Variants in FAM53A observed in about 807,000 individuals in gnomAD.
FAM53A encodes family with sequence similarity 53 member A.
A neutral mutation model predicts 26.6 loss-of-function variants in FAM53A; 28 were observed. The observed-to-expected ratio is 1.05, with a 90% CI of 0.78 to 1.45. FAM53A has a LOEUF of 1.45. Ranked by LOEUF, FAM53A falls within the 40% of genes most tolerant of loss-of-function variation. FAM53A has a pLI of 0.00. For synonymous variants in FAM53A, 290 were observed against 253.1 expected (o/e 1.15, Z -1.38); for missense variants, 650 against 575.8 (o/e 1.13, Z -1.32).
chr4:1,624,775 T>C (rs1156492206), intron 1 of FAM53A, among the ~76,000 whole-genome samples: 1 of 152,164 alleles, frequency 6.6e-6, no homozygotes, highest in Non-Finnish European at 1.5e-5. Flanking sequence ...TCCCCTGACA[T>C]GCGGGCACAC....
rs141443051 is a variant in FAM53A at position 1,626,567 on chromosome 4, G to A, written c.432-8456C>T. ...ATGCCCTGAGCCCGGGGGGACCCGGGGAGGACCTGGGACAGTGTAGACTCT... is the reference window on the plus strand; with the variant it reads ...ATGCCCTGAGCCCGGGGGGACCCGGAGAGGACCTGGGACAGTGTAGACTCT... On this transcript the variant is annotated intron_variant, in intron 1 of 1. Transcript: ENST00000489029. Among the ~76,000 whole-genome samples, 545 of 149,392 alleles carry A rather than the reference G, an allele frequency of 3.6e-3. 6 individuals are homozygous for A. The highest frequency in any genetic ancestry group is 0.013 in the African/African-American group (516 of 40,428).
chr4:1,655,848 C>T (rs1713333392), intron 3 of FAM53A, 125 bp from the exon 4 acceptor site: 6 of 1,188,568 alleles, frequency 5.0e-6, no homozygotes, highest in African/African-American at 1.6e-5. Context: ...CACCCCTGGG[C>T]GTGCTTCTCC....
At chr4:1,674,873 C>G (rs1418521578) in intron 1 of FAM53A, among the ~76,000 whole-genome samples, 1 of 152,178 alleles carries the variant, frequency 6.6e-6, no homozygotes, top group African/African-American at 2.4e-5. Context: ...CAGCAAGTCC[C>G]TCCCCCTTGG....
At position 1,659,586 on chromosome 4, in the gene FAM53A, C is replaced by A. The variant is rs1045535204; in HGVS notation, c.76-2118G>T. ...AGCAGCTACTCCCAGTGGCACTGGCCGTGTGGGATGTGGGTGCAGCAGACA... is the reference window on the plus strand; with the variant it reads ...AGCAGCTACTCCCAGTGGCACTGGCAGTGTGGGATGTGGGTGCAGCAGACA... On this transcript the variant is annotated intron_variant, in intron 2 of 4. Transcript: ENST00000308132. The surrounding 1 kb of genome is among the most constrained non-coding windows in gnomAD (Gnocchi z 5.2). Among the ~76,000 whole-genome samples the A allele has an allele frequency of 2.6e-5, 4 of 152,186 alleles. No individual in the cohort carries two copies. Among genetic ancestry groups the A allele is most frequent in the Non-Finnish European group, 5.9e-5 (4 of 68,026 alleles).
chr4:1,639,439 G>A (rs1711510127), downstream of FAM53A, among the ~76,000 whole-genome samples: 1 of 152,148 alleles, frequency 6.6e-6, no homozygotes, highest in Non-Finnish European at 1.5e-5. Context: ...CCCTTCACAC[G>A]AGGCCAGGGG....
chr4:1,612,142 A>C, the FAM53A span, among the ~76,000 whole-genome samples: 1 of 152,198 alleles, frequency 6.6e-6, no homozygotes, highest in Non-Finnish European at 1.5e-5. Context: ...TCTTAAATCA[A>C]ACCCTGCCGT....
intron 1 of FAM53A, among the ~76,000 whole-genome samples, chr4:1,626,493 G>A (rs916589061): frequency 2.6e-5 from 4 of 151,262 alleles, no homozygotes; most frequent in Non-Finnish European, 3.0e-5. Context: ...CCCTGAGCCC[G>A]GGGGGACCAG....
intron 4 of FAM53A, among the ~76,000 whole-genome samples, chr4:1,646,216 T>G (rs1423740700): frequency 6.6e-6 from 1 of 152,078 alleles, no homozygotes; most frequent in Non-Finnish European, 1.5e-5. Flanking sequence ...TTCTCCTGCC[T>G]CAGCCTCCCA....
chr4:1,576,628 G>A, the FAM53A span, among the ~76,000 whole-genome samples: 151 of 152,390 alleles, frequency 9.9e-4, 2 homozygotes, highest in Non-Finnish European at 1.3e-4. Context: ...TGTTCAGAGT[G>A]TGAACGTTAC....
chr4:1,592,574 G>T, the FAM53A span, among the ~76,000 whole-genome samples: 1 of 152,082 alleles, frequency 6.6e-6, no homozygotes, highest in Non-Finnish European at 1.5e-5. Flanking sequence ...AGGGGCCCCC[G>T]ACACGCGGTT....
intron 1 of FAM53A, among the ~76,000 whole-genome samples, chr4:1,673,888 T>A (rs1218732943): frequency 6.6e-6 from 1 of 152,198 alleles, no homozygotes; most frequent in Non-Finnish European, 1.5e-5. Flanking sequence ...CAAAAGCAGC[T>A]CCCTGCTGGG....
chr4:1,621,279 AT>A lies in FAM53A; in HGVS notation c.432-3169del, dbSNP rs1365122267. On this transcript the variant is annotated intron_variant, in intron 1 of 1. Coordinates refer to the FAM53A transcript ENST00000489029. ...CCACCTCACCCGGCTAATTTTTTGT[AT>A]TTTTTAGTAGAGACGGGGTTTCACC... 3.3e-5 allele frequency among the ~76,000 whole-genome samples: 5 copies of A among 151,440 alleles called. No homozygotes were observed. In the East Asian group the frequency reaches 7.8e-4, roughly 24 times the overall value.
At chr4:1,586,442 C>A in the FAM53A span, among the ~76,000 whole-genome samples, 2 of 151,910 alleles carry the variant, frequency 1.3e-5, no homozygotes, top group African/African-American at 4.8e-5. Flanking sequence ...TGGTCCACCC[C>A]CCCAGCCATG....
the FAM53A span, among the ~76,000 whole-genome samples, chr4:1,599,362 G>A: frequency 3.3e-5 from 5 of 152,218 alleles, no homozygotes; most frequent in African/African-American, 1.2e-4. This position sits in a 1 kb window ranked among gnomAD's most constrained non-coding sequence, Gnocchi z 6.1. Context: ...ACTCGGGCCA[G>A]CCAGGAGCCC....
chr4:1,657,934 C>T lies in FAM53A; in HGVS notation c.76-466G>A, dbSNP rs542847061. On this transcript the variant is annotated intron_variant, in intron 2 of 4. Transcript: ENST00000308132. ...AATTACAGGCATGAGCCACCACGCC[C>T]GGCTGTAAACGGACATTTTTAAATT... 5.3e-5 allele frequency among the ~76,000 whole-genome samples: 8 copies of T among 152,076 alleles called. No homozygotes were observed. The South Asian group carries it at 6.2e-4, about 12-fold the overall frequency.
downstream of FAM53A, among the ~76,000 whole-genome samples, chr4:1,636,791 C>T (rs1335571437): frequency 1.3e-5 from 2 of 152,206 alleles, no homozygotes; most frequent in African/African-American, 4.8e-5. Flanking sequence ...CGGGAGGCCA[C>T]GGGGCTAGCA....
chr4:1,643,103 T>C (rs1000293890), intron 4 of FAM53A, among the ~76,000 whole-genome samples: 4 of 152,238 alleles, frequency 2.6e-5, no homozygotes, highest in Admixed American at 2.0e-4. Flanking sequence ...TTCCAGCGAC[T>C]GATTTTTATA....
chr4:1,614,705 C>G (rs1714746666), downstream of FAM53A, among the ~76,000 whole-genome samples: 1 of 152,154 alleles, frequency 6.6e-6, no homozygotes. Flanking sequence ...CCTGCCGCCT[C>G]CGGTCACAAC....
At chr4:1,577,245 G>T in the FAM53A span, among the ~76,000 whole-genome samples, 1 of 152,336 alleles carries the variant, frequency 6.6e-6, no homozygotes, top group Non-Finnish European at 1.5e-5. Context: ...AGGGGACCAT[G>T]TGCCAGACGA....
Sources: gnomAD v4.1 joint callset for allele counts (sites outside exome capture counted in the v4.1 genomes callset) on GRCh38, gnomAD v4.1.1 for gene constraint, Gnocchi (gnomAD v3.1) non-coding constraint, MANE v1.5 for transcripts, NCBI Gene and HGNC (gene_info 2026-07-23, HGNC 2026-07-21) for gene names.